Variants in FBXO36 observed in about 807,000 individuals in gnomAD.
FBXO36 encodes F-box protein 36.
In FBXO36, 18 loss-of-function variants were observed where a neutral mutation model predicts 17.0. The observed-to-expected ratio is 1.06, with a 90% CI of 0.73 to 1.57. The LOEUF (loss-of-function observed/expected upper bound fraction) is 1.57. Ranked by LOEUF, FBXO36 falls within the 40% of genes most tolerant of loss-of-function variation. The pLI is 0.00. For missense variants in FBXO36, 229 were observed against 221.9 expected, an observed-to-expected ratio of 1.03 and a Z score of -0.20; for synonymous variants, 83 against 85.3, an observed-to-expected ratio of 0.97 and a Z score of 0.15.
intron 1 of FBXO36, among the ~76,000 whole-genome samples, chr2:229,929,815 C>T (rs1184661291): frequency 1.3e-5 from 2 of 151,930 alleles, no homozygotes; most frequent in South Asian, 2.1e-4. Context: ...GCAGAGATCA[C>T]GCCACTGCCC....
rs569753644 is a variant in FBXO36, at chr2:229,967,303, T to C, written c.97-8938T>C. On this transcript the variant is annotated intron_variant, in intron 1 of 3. Coordinates refer to ENST00000283946, the MANE Select transcript of FBXO36 (RefSeq NM_174899.5). ...CTGAGACAATGGGGTTTTCTAGATA[T>C]ACAATCATGTCGTCTGCAAACAGGG... Among the ~76,000 whole-genome samples, 53 of 152,314 alleles carry C rather than the reference T, an allele frequency of 3.5e-4. 1 individual carries two copies. The East Asian group carries it at 0.01, about 29-fold the overall frequency.
chr2:229,939,290 C>A (rs1021910174), intron 1 of FBXO36: 1 of 983,252 alleles, frequency 1.0e-6, no homozygotes, highest in Non-Finnish European at 1.2e-6. Flanking sequence ...AATTTTTTTG[C>A]ACATTTTCTT....
chr2:229,939,747 C>T (rs977310535), intron 1 of FBXO36, among the ~76,000 whole-genome samples: 1 of 152,180 alleles, frequency 6.6e-6, no homozygotes, highest in Non-Finnish European at 1.5e-5. Flanking sequence ...CTGAAGATGG[C>T]GGCCACCTTA....
chr2:229,964,027 A>G (rs901518767), intron 1 of FBXO36, among the ~76,000 whole-genome samples: 6 of 151,966 alleles, frequency 3.9e-5, no homozygotes, highest in African/African-American at 1.2e-4. Context: ...GCATCTTTTT[A>G]TATGTCTATG....
At chr2:229,953,675 GA>G (rs1030271228) in intron 1 of FBXO36, among the ~76,000 whole-genome samples, 60 of 144,188 alleles carry the variant, frequency 4.2e-4, no homozygotes, top group Admixed American at 1.2e-3. Flanking sequence ...TTGTCTCAGA[GA>G]AAAAAAAAAT....
chr2:230,000,935 A>C (rs1286185301), intron 3 of FBXO36, among the ~76,000 whole-genome samples: 1 of 144,422 alleles, frequency 6.9e-6, no homozygotes, highest in Non-Finnish European at 1.5e-5. Flanking sequence ...AGCTCATGCA[A>C]CCTCCACCTC....
chr2:229,991,715 G>A (rs1434837958), intron 2 of FBXO36, among the ~76,000 whole-genome samples: 3 of 152,136 alleles, frequency 2.0e-5, no homozygotes, highest in African/African-American at 7.2e-5. Context: ...GGGGTCTACT[G>A]CATTAGAGAA....
At chr2:229,966,009 T>TTTC (rs769506756) in intron 1 of FBXO36, among the ~76,000 whole-genome samples, 7 of 152,170 alleles carry the variant, frequency 4.6e-5, no homozygotes, top group Non-Finnish European at 7.3e-5. Flanking sequence ...TGTAAAAGTG[T>TTTC]TTCTATTTCT....
intron 1 of FBXO36, among the ~76,000 whole-genome samples, chr2:229,950,024 T>G (rs2077049076): frequency 6.6e-6 from 1 of 152,236 alleles, no homozygotes; most frequent in Non-Finnish European, 1.5e-5. Flanking sequence ...CAGGAAAAAT[T>G]AATCATAGCA....
At chr2:229,990,202 T>C (rs1346374344) in intron 2 of FBXO36, among the ~76,000 whole-genome samples, 1 of 149,640 alleles carries the variant, frequency 6.7e-6, no homozygotes, top group African/African-American at 2.4e-5. Context: ...AATAGGGTCA[T>C]TGTGAGGGTT....
At chr2:229,986,925 T>G (rs527867115) in intron 2 of FBXO36, among the ~76,000 whole-genome samples, 1 of 151,830 alleles carries the variant, frequency 6.6e-6, no homozygotes, top group Admixed American at 6.6e-5. Context: ...AAAAGAACAT[T>G]ACAGAGACTC....
Position 229,962,088 on chromosome 2 carries a change from C to T in FBXO36, c.97-14153C>T, listed in dbSNP as rs1008208705. Reference sequence around the variant, plus strand: ...ATCCCAGCTACCAGGGAGGCTGATGCATGAGAATCACTTGAACCTGTGAGG... The same window carrying T: ...ATCCCAGCTACCAGGGAGGCTGATGTATGAGAATCACTTGAACCTGTGAGG... On this transcript the variant is annotated intron_variant, in intron 1 of 3. Transcript: ENST00000283946. Among the ~76,000 whole-genome samples the T allele has an allele frequency of 2.0e-5, 3 of 151,542 alleles. No homozygotes were observed. The South Asian group carries it at 6.2e-4, about 31-fold the overall frequency.
intron 2 of FBXO36, among the ~76,000 whole-genome samples, chr2:229,991,598 T>C (rs2077298326): frequency 6.6e-6 from 1 of 152,146 alleles, no homozygotes; most frequent in Non-Finnish European, 1.5e-5. Context: ...GGGTCCAAAG[T>C]CTTCTCCTTT....
chr2:229,936,218 ATCCCCTCTCT>A (rs2076963137), intron 1 of FBXO36, among the ~76,000 whole-genome samples: 1 of 151,838 alleles, frequency 6.6e-6, no homozygotes, highest in Admixed American at 6.6e-5. Flanking sequence ...AAACTAACTC[ATCCCCTCTCT>A]TCCATTCTCA....
chr2:229,973,871 ACCCCAT>A (rs1248197325), intron 1 of FBXO36, among the ~76,000 whole-genome samples: 2 of 151,702 alleles, frequency 1.3e-5, no homozygotes, highest in East Asian at 3.9e-4. Context: ...ACTTGGTGAA[ACCCCAT>A]CACTACCAAA....
At chr2:229,984,856 CT>C (rs2077260348) in intron 2 of FBXO36, among the ~76,000 whole-genome samples, 1 of 152,110 alleles carries the variant, frequency 6.6e-6, no homozygotes, top group African/African-American at 2.4e-5. Context: ...TTTTGCTGTT[CT>C]CACTGAAGCC....
At chr2:229,960,160 A>ATTTATTTATTTATTTACT (rs2077113094) in intron 1 of FBXO36, among the ~76,000 whole-genome samples, 1 of 151,766 alleles carries the variant, frequency 6.6e-6, no homozygotes, top group Admixed American at 6.6e-5. Context: ...TCCATCTAGA[A>ATTTATTTATTTATTTACT]TTTATTTATT....
At chr2:229,995,554 TTTCC>T (rs1168483826) in intron 2 of FBXO36, among the ~76,000 whole-genome samples, 16 of 140,268 alleles carry the variant, frequency 1.1e-4, no homozygotes, top group African/African-American at 3.7e-4. Context: ...TTTCTCTTTC[TTTCC>T]TTCCTTTCTT....
At chr2:229,958,523 C>A (rs1164702806) in intron 1 of FBXO36, among the ~76,000 whole-genome samples, 1 of 152,174 alleles carries the variant, frequency 6.6e-6, no homozygotes, top group Non-Finnish European at 1.5e-5. Flanking sequence ...CCCACCTTGG[C>A]CTCCCTAAGT....
Sources: allele counts gnomAD v4.1 joint callset (sites outside exome capture counted in the v4.1 genomes callset), GRCh38; gene constraint gnomAD v4.1.1; transcripts MANE v1.5; gene names NCBI Gene and HGNC (gene_info 2026-07-23, HGNC 2026-07-21).